LCOR: variants seen among roughly 807,000 people sequenced by gnomAD.
LCOR encodes ligand-dependent corepressor.
A neutral mutation model predicts 64.4 loss-of-function variants in LCOR; 14 were observed. That is an observed-to-expected ratio of 0.22 (90% CI 0.14 to 0.34). The LOEUF (loss-of-function observed/expected upper bound fraction) is 0.34, where lower values mean the gene tolerates loss of function less well. LCOR is among the 10% of genes least tolerant of loss of function. The pLI is 1.00. For missense variants in LCOR, 1,686 were observed against 1,765.3 expected (o/e 0.96, Z 0.80); for synonymous variants, 643 against 642.5 (o/e 1.00, Z -0.01).
chr10:96,916,080 G>C (rs939177810), intron 4 of LCOR, among the ~76,000 whole-genome samples: 17 of 152,034 alleles, frequency 1.1e-4, no homozygotes, highest in Admixed American at 8.5e-4. Context: ...TGCCCAGGCT[G>C]GAGTGCAGTG....
At chr10:96,953,626 T>G (rs528203030) in intron 7 of LCOR, among the ~76,000 whole-genome samples, 5 of 152,346 alleles carry the variant, frequency 3.3e-5, no homozygotes, top group African/African-American at 9.6e-5. Flanking sequence ...ATGTGCAGTT[T>G]GCATAAACAA....
intron 2 of LCOR, 137 bp downstream of exon 2, chr10:96,833,616 C>A: frequency 4.4e-6 from 1 of 226,692 alleles, no homozygotes; most frequent in Non-Finnish European, 7.3e-6. Context: ...GGGGAGATGC[C>A]CTCTCGTCGT....
chr10:96,970,391 C>T (rs919041363), intron 7 of LCOR, among the ~76,000 whole-genome samples: 7 of 151,696 alleles, frequency 4.6e-5, no homozygotes, highest in East Asian at 3.9e-4. Context: ...ACTGAGACGC[C>T]GTCTCAAAAA....
intron 2 of LCOR, among the ~76,000 whole-genome samples, chr10:96,859,041 T>G (rs1409401786): frequency 6.6e-6 from 1 of 152,218 alleles, no homozygotes; most frequent in Non-Finnish European, 1.5e-5. Flanking sequence ...GAAACCCAAC[T>G]CAGGTTAGTT....
At chr10:96,893,890 G>T (rs781321102) in intron 2 of LCOR, among the ~76,000 whole-genome samples, 17 of 152,004 alleles carry the variant, frequency 1.1e-4, no homozygotes, top group Non-Finnish European at 2.2e-4. Flanking sequence ...TCCTAGAGTT[G>T]TAGTACTCCT....
chr10:96,895,786 C>T (rs1372117908), intron 2 of LCOR, among the ~76,000 whole-genome samples: 4 of 152,326 alleles, frequency 2.6e-5, no homozygotes, highest in South Asian at 2.1e-4. Flanking sequence ...CTTGTTCCCT[C>T]ACTTCATTGA....
At chr10:96,849,441 C>T (rs1845689555) in intron 2 of LCOR, among the ~76,000 whole-genome samples, 1 of 152,126 alleles carries the variant, frequency 6.6e-6, no homozygotes, top group African/African-American at 2.4e-5. Context: ...AACTCCTGAC[C>T]TCAGGTGATT....
At position 96,877,704 on chromosome 10, in the gene LCOR, C is replaced by T. The variant is rs191755788; in HGVS notation, c.-329-29561C>T. Among the ~76,000 whole-genome samples the T allele has an allele frequency of 8.9e-4, 128 of 144,516 alleles. 1 individual carries two copies. The highest frequency in any genetic ancestry group is 2.8e-3 in the African/African-American group (105 of 38,034). 94.8% of individuals were successfully genotyped at this position (144,516 alleles called of 152,430 possible). ...TCAGCTCACTGCAAGCTCAGCCTCC[C>T]GGGTTCACGCCATTCTCCTGCCTCA... On this transcript the variant is annotated intron_variant, in intron 2 of 7. Coordinates refer to ENST00000421806, the MANE Select transcript of LCOR (RefSeq NM_001346516.2).
At chr10:96,958,687 C>T in intron 7 of LCOR, 1 of 430,886 alleles carries the variant, frequency 2.3e-6, no homozygotes, top group Non-Finnish European at 4.2e-6. Context: ...ACTTGATATT[C>T]AGGTAAATTT....
At chr10:96,908,970 C>T (rs1230690288) in intron 4 of LCOR, among the ~76,000 whole-genome samples, 2 of 152,194 alleles carry the variant, frequency 1.3e-5, no homozygotes, top group Non-Finnish European at 2.9e-5. Context: ...CCGCCTCGGC[C>T]TCCCAAAGTG....
At chr10:96,966,179 T>G (rs76995701) in intron 7 of LCOR, among the ~76,000 whole-genome samples, 1 of 150,836 alleles carries the variant, frequency 6.6e-6, no homozygotes, top group South Asian at 2.1e-4. Context: ...TTTTTTTTTT[T>G]TGCCATATCC....
chr10:96,976,449 C>T (rs963901483), intron 7 of LCOR, among the ~76,000 whole-genome samples: 3 of 152,102 alleles, frequency 2.0e-5, no homozygotes, highest in African/African-American at 4.8e-5. Flanking sequence ...AAGACACCAC[C>T]GCCTCTTGCC....
intron 4 of LCOR, among the ~76,000 whole-genome samples, chr10:96,921,317 A>G (rs1847077722): frequency 6.6e-6 from 1 of 152,168 alleles, no homozygotes; most frequent in Admixed American, 6.6e-5. Flanking sequence ...AATCATTGCC[A>G]GATCCAGTGT....
chr10:96,832,312 G>C lies in LCOR; in HGVS notation c.-491G>C, dbSNP rs1388797937. 1.0e-6 allele frequency: 1 copy of C among 983,060 alleles called. No homozygotes were observed. Among genetic ancestry groups the C allele is most frequent in the Non-Finnish European group, 1.2e-6 (1 of 828,986 alleles). 60.9% of individuals were successfully genotyped at this position (983,060 alleles called of 1,614,324 possible). On this transcript the variant is annotated 5_prime_UTR_variant, in exon 1 of 8. Coordinates refer to ENST00000421806, the MANE Select transcript of LCOR (RefSeq NM_001346516.2). The stretch of plus-strand genomic sequence containing the variant: ...GGGCGGGCGGCAGAAGATGGCGAGG[G>C]TGTGTAGGCGGCAGCAATGCTCCGT...
At position 96,915,585 on chromosome 10, in the gene LCOR, C is replaced by T; in HGVS notation, c.-184+7838C>T. On this transcript the variant is annotated intron_variant, in intron 4 of 7. Coordinates refer to ENST00000421806, the MANE Select transcript of LCOR (RefSeq NM_001346516.2). ...ACTTGGTAAAAAATAGAATTTCAAA[C>T]TATACAGTCACCAGAAGTACACAGT... The T allele has an allele frequency of 4.1e-6, 3 of 727,918 alleles. No individual in the cohort carries two copies. The South Asian group carries it at 4.3e-5, about 11-fold the overall frequency. 45.1% of individuals were successfully genotyped at this position (727,918 alleles called of 1,614,324 possible). A position where few individuals can be genotyped will look rare whatever the true frequency, so the allele number is the denominator to read the frequency against.
At chr10:96,937,533 A>G (rs1327292710) in intron 4 of LCOR, among the ~76,000 whole-genome samples, 1 of 152,090 alleles carries the variant, frequency 6.6e-6, no homozygotes, top group Non-Finnish European at 1.5e-5. Flanking sequence ...CTTTTTTTAA[A>G]TAGAGATGGG....
chr10:96,882,432 A>G (rs953823729), intron 2 of LCOR, among the ~76,000 whole-genome samples: 1 of 152,194 alleles, frequency 6.6e-6, no homozygotes, highest in Non-Finnish European at 1.5e-5. Flanking sequence ...TAGTTAATAA[A>G]CTTTATTTCT....
Position 96,993,904 on chromosome 10 carries a change from T to C in LCOR, c.*8770T>C, listed in dbSNP as rs539461889. On this transcript the variant is annotated 3_prime_UTR_variant, in exon 8 of 8. Coordinates refer to ENST00000421806, the MANE Select transcript of LCOR (RefSeq NM_001346516.2). The stretch of plus-strand genomic sequence containing the variant: ...AATAACATTTATTCCAGGGCCCACA[T>C]TGGCCCTTGTCTCAGAGGATAGGGT... The C allele has an allele frequency of 2.0e-5, 3 of 152,190 alleles. No homozygotes were observed. The highest frequency in any genetic ancestry group is 4.4e-5 in the Non-Finnish European group (3 of 68,008). 9.4% of individuals were successfully genotyped at this position (152,190 alleles called of 1,614,324 possible).
chr10:96,871,896 A>G (rs182775078), intron 2 of LCOR, among the ~76,000 whole-genome samples: 3 of 152,344 alleles, frequency 2.0e-5, no homozygotes. Context: ...AAACTGATCT[A>G]ATAACTTTCT....
Sources: allele counts gnomAD v4.1 joint callset (sites outside exome capture counted in the v4.1 genomes callset), GRCh38; gene constraint gnomAD v4.1.1; transcripts MANE v1.5; gene names NCBI Gene and HGNC (gene_info 2026-07-23, HGNC 2026-07-21).